The following CLASP2 variants were observed in gnomAD, a reference collection of about 807,000 sequenced individuals.
CLASP2 encodes cytoplasmic linker associated protein 2.
CLASP2 carries 47 observed loss-of-function variants against 194.4 expected under a neutral mutation model. The ratio of observed to expected loss-of-function variants is 0.24; its 90% CI spans 0.19 to 0.31. The LOEUF (loss-of-function observed/expected upper bound fraction) is 0.31. Ranked by LOEUF, CLASP2 falls within the 10% of genes least tolerant of loss-of-function variation. The pLI is 1.00. For missense variants in CLASP2, 1,445 were observed against 1,823.6 expected (o/e 0.79, Z 3.78); for synonymous variants, 619 against 633.5 (o/e 0.98, Z 0.34).
At chr3:33,669,633 A>C (rs897086610) in intron 6 of CLASP2, among the ~76,000 whole-genome samples, 9 of 152,264 alleles carry the variant, frequency 5.9e-5, no homozygotes, top group African/African-American at 1.9e-4. Flanking sequence ...CCACAAAAGA[A>C]GACATCCAAA....
Position 33,498,630 on chromosome 3 carries a change from AC to A in CLASP2, c.4521del (p.Ter1507TyrfsTer40). On this transcript the variant is annotated frameshift_variant and stop_lost, in exon 39 of 39. Transcript: ENST00000682230. LOFTEE classifies it high-confidence loss of function. ...GACCTGGTTCGCTGTGATGAGCTTC[AC>A]TAACTTTGTCCAGAAACATCAGTAG... is the stretch of plus-strand genomic sequence containing the variant. ...DPTTDVSGQS[*>X] 6.2e-7 allele frequency: 1 copy of A among 1,604,562 alleles called. No homozygotes were observed.
chr3:33,506,690 C>T (rs1022339607), intron 37 of CLASP2, among the ~76,000 whole-genome samples: 1 of 152,074 alleles, frequency 6.6e-6, no homozygotes, highest in Non-Finnish European at 1.5e-5. Flanking sequence ...GGTTCAACTT[C>T]ATTGTTTTTC....
At chr3:33,576,043 C>A in intron 24 of CLASP2, 126 bp downstream of exon 24, 1 of 675,816 alleles carries the variant, frequency 1.5e-6, no homozygotes. Flanking sequence ...ACACTGCCCA[C>A]GTTTTATCTT....
At chr3:33,538,964 T>G (rs1417339290) in intron 32 of CLASP2, 22 bp from the exon 33 acceptor site, 32 of 1,530,546 alleles carry the variant, frequency 2.1e-5, no homozygotes, top group Non-Finnish European at 2.8e-5. Context: ...ACGACACTAA[T>G]TTTTACTTAG....
intron 6 of CLASP2, among the ~76,000 whole-genome samples, chr3:33,675,984 A>G (rs982847467): frequency 6.6e-5 from 10 of 151,406 alleles, no homozygotes; most frequent in African/African-American, 1.5e-4. Context: ...GGAAGAATCA[A>G]TATCGTGAAA....
At chr3:33,705,387 T>C (rs1225310593) in intron 1 of CLASP2, among the ~76,000 whole-genome samples, 2 of 152,028 alleles carry the variant, frequency 1.3e-5, no homozygotes, top group African/African-American at 4.8e-5. Flanking sequence ...TAGGACTAGG[T>C]TGGGGTGGGT....
At chr3:33,526,290 C>G (rs566805605) in intron 34 of CLASP2, among the ~76,000 whole-genome samples, 11 of 152,130 alleles carry the variant, frequency 7.2e-5, no homozygotes, top group African/African-American at 2.7e-4. Context: ...GGAGGAAAAT[C>G]TACCAAGCAA....
intron 30 of CLASP2, among the ~76,000 whole-genome samples, chr3:33,549,749 T>TC (rs1446539062): frequency 2.0e-5 from 3 of 151,870 alleles, no homozygotes; most frequent in South Asian, 4.2e-4. Flanking sequence ...TTTCTTTTTT[T>TC]TTTTTTTAAG....
chr3:33,564,794 T>G (rs750725161), intron 27 of CLASP2, among the ~76,000 whole-genome samples: 1 of 152,150 alleles, frequency 6.6e-6, no homozygotes, highest in Admixed American at 6.5e-5. Context: ...CTACCTTTGT[T>G]GTCCAGGTTA....
intron 12 of CLASP2, among the ~76,000 whole-genome samples, chr3:33,618,253 A>G (rs906601684): frequency 5.9e-5 from 9 of 152,056 alleles, no homozygotes; most frequent in Non-Finnish European, 1.2e-4. Flanking sequence ...CGGCCTGGTG[A>G]GGATAATTTG....
At chr3:33,577,048 T>C (rs1296493516) in intron 23 of CLASP2, among the ~76,000 whole-genome samples, 2 of 52,130 alleles carry the variant, frequency 3.8e-5, no homozygotes, top group Non-Finnish European at 7.2e-5. Context: ...AAAACGTTAC[T>C]TGGGAGAAAA....
chr3:33,552,464 T>C (rs565030735), intron 29 of CLASP2, among the ~76,000 whole-genome samples: 8 of 152,294 alleles, frequency 5.3e-5, no homozygotes, highest in African/African-American at 1.7e-4. Flanking sequence ...AGGCAGATGT[T>C]TGAAATATGT....
chr3:33,653,841 T>TA (rs1009033103), intron 7 of CLASP2, among the ~76,000 whole-genome samples: 3 of 152,212 alleles, frequency 2.0e-5, no homozygotes, highest in South Asian at 2.1e-4. Context: ...AATGCTTCAT[T>TA]AAAAAATTAT....
At chr3:33,500,423 C>G (rs184484299) in intron 38 of CLASP2, among the ~76,000 whole-genome samples, 2 of 152,288 alleles carry the variant, frequency 1.3e-5, no homozygotes, top group Non-Finnish European at 1.5e-5. Context: ...TGATAAAGTG[C>G]TGAATTTTAA....
chr3:33,592,507 A>G lies in CLASP2; in HGVS notation c.1967-11T>C. 6.3e-7 allele frequency: 1 copy of G among 1,588,414 alleles called. No individual in the cohort carries two copies. Among genetic ancestry groups the G allele is most frequent in the Non-Finnish European group, 8.6e-7 (1 of 1,161,780 alleles). ...TTGCTCTCACCCGGCCTGAGAAATAAAATATTTACATAATTAAAAACATTT... is the reference window on the plus strand; with the variant it reads ...TTGCTCTCACCCGGCCTGAGAAATAGAATATTTACATAATTAAAAACATTT... On this transcript the variant is annotated splice_polypyrimidine_tract_variant and intron_variant, in intron 20 of 38. Coordinates refer to ENST00000682230, the MANE Select transcript of CLASP2 (RefSeq NM_001365631.1).
chr3:33,700,422 C>T (rs531782918), intron 1 of CLASP2, among the ~76,000 whole-genome samples: 1 of 151,358 alleles, frequency 6.6e-6, no homozygotes, highest in African/African-American at 2.5e-5. Flanking sequence ...AAGACACTGT[C>T]TCAAACAAAC....
At chr3:33,500,848 T>C (rs1213303263) in intron 38 of CLASP2, among the ~76,000 whole-genome samples, 1 of 152,226 alleles carries the variant, frequency 6.6e-6, no homozygotes, top group African/African-American at 2.4e-5. Context: ...TCATAAGCCA[T>C]GATTCAACAA....
intron 29 of CLASP2, chr3:33,554,683 C>T (rs2060620204): frequency 6.5e-6 from 1 of 153,588 alleles, no homozygotes; most frequent in Non-Finnish European, 1.5e-5. Flanking sequence ...GCCTTCTGGC[C>T]AAGTGTCTGC....
At chr3:33,641,741 A>C (rs1455062057) in intron 8 of CLASP2, among the ~76,000 whole-genome samples, 1 of 151,906 alleles carries the variant, frequency 6.6e-6, no homozygotes. Flanking sequence ...GATTCCAAAG[A>C]AGCTCACTGT....
Sources: allele counts gnomAD v4.1 joint callset (sites outside exome capture counted in the v4.1 genomes callset), GRCh38; gene constraint gnomAD v4.1.1; transcripts MANE v1.5; gene names NCBI Gene and HGNC (gene_info 2026-07-23, HGNC 2026-07-21).